The following CAMTA1 variants were observed in gnomAD, a reference collection of about 807,000 sequenced individuals.
The protein encoded by CAMTA1 is calmodulin binding transcription activator 1, also known as calmodulin-binding transcription activator 1.
CAMTA1 carries 27 observed loss-of-function variants against 170.9 expected under a neutral mutation model. The observed-to-expected ratio is 0.16, with a 90% CI of 0.12 to 0.22. CAMTA1 has a LOEUF of 0.22. Among genes scored for constraint, CAMTA1 ranks in the 10% least tolerant of loss-of-function variants. CAMTA1 has a pLI of 1.00. For missense variants in CAMTA1, 1,619 were observed against 2,217.2 expected, an observed-to-expected ratio of 0.73 and a Z score of 5.42; for synonymous variants, 833 against 891.5, an observed-to-expected ratio of 0.93 and a Z score of 1.17.
chr1:7,596,931 C>T (rs536058121), intron 6 of CAMTA1, among the ~76,000 whole-genome samples: 47 of 148,998 alleles, frequency 3.2e-4, no homozygotes, highest in Middle Eastern at 3.5e-3. Flanking sequence ...AGAACTGATG[C>T]CCTTGAGACA....
In CAMTA1 at chr1:7,456,192, AAATGGGAGGGAGGGAGGAAG is replaced by A. The variant is rs1282731715; in HGVS notation, c.439-11629_439-11610del. The stretch of plus-strand genomic sequence containing the variant: ...GAGGGAGATGGAAGGGAGGGAGGAA[AAATGGGAGGGAGGGAGGAAG>A]AATGGGAGAGAGGGAGGGAGAGAAG... On this transcript the variant is annotated intron_variant, in intron 5 of 22. Coordinates refer to ENST00000303635, the MANE Select transcript of CAMTA1 (RefSeq NM_015215.4). This position sits in a 1 kb window ranked among gnomAD's most constrained non-coding sequence, Gnocchi z 4.9. Among the ~76,000 whole-genome samples the A allele has an allele frequency of 1.4e-5, 2 of 146,688 alleles. No individual in the cohort carries two copies. The highest frequency in any genetic ancestry group is 2.5e-5 in the African/African-American group (1 of 39,894).
At chr1:6,847,262 T>TA (rs1025872231) in intron 3 of CAMTA1, among the ~76,000 whole-genome samples, 56 of 151,670 alleles carry the variant, frequency 3.7e-4, no homozygotes, top group African/African-American at 1.1e-3. Flanking sequence ...ATTTTTTTTT[T>TA]AAAAATGACA....
intron 1 of CAMTA1, among the ~76,000 whole-genome samples, chr1:6,792,559 T>G (rs1016536422): frequency 2.0e-5 from 3 of 152,058 alleles, no homozygotes; most frequent in Admixed American, 2.0e-4. Flanking sequence ...TCAGCCACAT[T>G]ATTTCCCCTT....
At chr1:6,902,075 A>T (rs1395753120) in intron 3 of CAMTA1, among the ~76,000 whole-genome samples, 1 of 83,656 alleles carries the variant, frequency 1.2e-5, no homozygotes, top group East Asian at 2.3e-4. Flanking sequence ...ACACACACAA[A>T]AAAAAAAATA....
intron 6 of CAMTA1, among the ~76,000 whole-genome samples, chr1:7,480,171 G>A (rs2093494737): frequency 6.7e-6 from 1 of 149,618 alleles, no homozygotes. Flanking sequence ...ATGTGTGTGT[G>A]CTTGTGTCTC....
intron 5 of CAMTA1, among the ~76,000 whole-genome samples, chr1:7,288,093 G>T (rs1006897519): frequency 6.6e-6 from 1 of 152,110 alleles, no homozygotes; most frequent in Non-Finnish European, 1.5e-5. Context: ...ATTATTATCC[G>T]TATTACGTAT....
chr1:7,260,469 G>A (rs928332054), intron 5 of CAMTA1, among the ~76,000 whole-genome samples: 2 of 152,218 alleles, frequency 1.3e-5, no homozygotes, highest in Non-Finnish European at 2.9e-5. Flanking sequence ...TTGAATGTGG[G>A]AATTGAGAAA....
At chr1:7,752,988 A>T (rs752738255) in intron 21 of CAMTA1, among the ~76,000 whole-genome samples, 3 of 152,210 alleles carry the variant, frequency 2.0e-5, no homozygotes, top group Admixed American at 6.5e-5. Flanking sequence ...AATTTCCACC[A>T]GATAGCTGGT....
At chr1:7,241,584 T>C (rs1209784378) in intron 4 of CAMTA1, among the ~76,000 whole-genome samples, 1 of 152,214 alleles carries the variant, frequency 6.6e-6, no homozygotes, top group Non-Finnish European at 1.5e-5. Context: ...ATAGATAGTA[T>C]TGGCATAAAA....
intron 6 of CAMTA1, among the ~76,000 whole-genome samples, chr1:7,557,837 G>A (rs2094900341): frequency 1.3e-5 from 2 of 152,210 alleles, no homozygotes. Context: ...GATCTGGGGT[G>A]ACCGCAAGGG....
chr1:7,405,745 A>G (rs922180303), intron 5 of CAMTA1, among the ~76,000 whole-genome samples: 1 of 89,850 alleles, frequency 1.1e-5, no homozygotes, highest in Non-Finnish European at 3.2e-5. Flanking sequence ...AAATGGGTAT[A>G]ACACCACACC....
intron 3 of CAMTA1, among the ~76,000 whole-genome samples, chr1:6,996,201 A>T (rs1697224050): frequency 6.6e-6 from 1 of 152,186 alleles, no homozygotes; most frequent in Non-Finnish European, 1.5e-5. Context: ...CCATTGATTG[A>T]TTGCCTTTTC....
intron 6 of CAMTA1, among the ~76,000 whole-genome samples, chr1:7,541,735 G>T (rs577798967): frequency 1.1e-4 from 17 of 152,318 alleles, no homozygotes; most frequent in Admixed American, 1.1e-3. Flanking sequence ...CTGTGGTCAC[G>T]TGATTAACTT....
intron 3 of CAMTA1, among the ~76,000 whole-genome samples, chr1:7,056,824 A>G (rs1236514326): frequency 6.6e-6 from 1 of 152,196 alleles, no homozygotes; most frequent in Non-Finnish European, 1.5e-5. Flanking sequence ...ACAGGTGACC[A>G]GACACAGATA....
At chr1:7,366,131 A>G (rs2085949346) in intron 5 of CAMTA1, among the ~76,000 whole-genome samples, 1 of 152,152 alleles carries the variant, frequency 6.6e-6, no homozygotes, top group Non-Finnish European at 1.5e-5. Context: ...ATATTTGTCA[A>G]ATGGATGGTG....
intron 5 of CAMTA1, among the ~76,000 whole-genome samples, chr1:7,267,767 C>T (rs1267379050): frequency 3.9e-5 from 6 of 152,128 alleles, no homozygotes; most frequent in African/African-American, 1.4e-4. Context: ...GTCATGAGGG[C>T]TGCTAGTGAA....
At chr1:7,725,871 G>C (rs977218586) in intron 11 of CAMTA1, among the ~76,000 whole-genome samples, 1 of 152,212 alleles carries the variant, frequency 6.6e-6, no homozygotes, top group Non-Finnish European at 1.5e-5. Flanking sequence ...CCGCCATCTA[G>C]GGCAGCACAC....
chr1:7,597,662 ATGT>A (rs1029265285), intron 6 of CAMTA1, among the ~76,000 whole-genome samples: 12 of 152,166 alleles, frequency 7.9e-5, no homozygotes, highest in Admixed American at 7.8e-4. Context: ...GAAAGAAATG[ATGT>A]TGTAGGTCGA....
intron 1 of CAMTA1, among the ~76,000 whole-genome samples, chr1:6,816,680 A>G (rs1442991760): frequency 1.3e-5 from 2 of 152,170 alleles, no homozygotes; most frequent in African/African-American, 2.4e-5. Flanking sequence ...ACAGTGGCTC[A>G]CTGATTTGCC....
Sources: gnomAD v4.1 joint callset for allele counts (sites outside exome capture counted in the v4.1 genomes callset) on GRCh38, gnomAD v4.1.1 for gene constraint, Gnocchi (gnomAD v3.1) non-coding constraint, MANE v1.5 for transcripts, NCBI Gene and HGNC (gene_info 2026-07-23, HGNC 2026-07-21) for gene names.